Variants in QARS1 observed in about 807,000 individuals in gnomAD.
QARS1 encodes the protein glutamine--tRNA ligase.
In QARS1, 79 loss-of-function variants were observed where a neutral mutation model predicts 106.9. That is an observed-to-expected ratio of 0.74 (90% CI 0.62 to 0.89). The LOEUF (loss-of-function observed/expected upper bound fraction) is 0.89. QARS1 is among the 40% of genes least tolerant of loss of function. QARS1 has a pLI of 0.00. For synonymous variants in QARS1, 395 were observed against 367.7 expected, an observed-to-expected ratio of 1.07 and a Z score of -0.85; for missense variants, 966 against 997.2, an observed-to-expected ratio of 0.97 and a Z score of 0.42.
At chr3:49,102,332 C>T in intron 6 of QARS1, 67 bp from the exon 7 acceptor site, 2 of 1,613,178 alleles carry the variant, frequency 1.2e-6, no homozygotes, top group Non-Finnish European at 1.7e-6. Flanking sequence ...TCTTGGGATC[C>T]CTGTGGTCAG....
intron 23 of QARS1, among the ~76,000 whole-genome samples, chr3:49,096,672 C>T (rs2042395279): frequency 1.3e-5 from 2 of 151,410 alleles, no homozygotes; most frequent in African/African-American, 2.4e-5. Flanking sequence ...TGGTGGCGGG[C>T]GCCTGTAGTC....
In QARS1 at chr3:49,099,839, G is replaced by A; in HGVS notation, c.1310C>T (p.Thr437Ile). ...ACAGAGGCAGTGTGTGTAGTCGTAG[G>A]TGGGATAGATGCACCTGTGGGGCAT... ...RTGDKWCIYP[T>I]YDYTHCLCDS... is the part of the protein sequence containing the mutation. Residue 437 changes from threonine to isoleucine, a missense_variant, in exon 15 of 24, where the codon ACC (threonine) becomes ATC (isoleucine). Physicochemically the swap from Thr to Ile is moderately conservative, Grantham distance 89 (BLOSUM62 -1). Transcript: ENST00000306125. The A allele has an allele frequency of 1.2e-6, 2 of 1,614,020 alleles. No homozygotes were observed. Among genetic ancestry groups the A allele is most frequent in the Non-Finnish European group, 1.7e-6 (2 of 1,179,998 alleles).
intron 23 of QARS1, among the ~76,000 whole-genome samples, chr3:49,096,829 A>AAAAAAAAAAAAAG (rs2042399190): frequency 7.5e-6 from 1 of 133,070 alleles, no homozygotes; most frequent in Non-Finnish European, 1.6e-5. Flanking sequence ...AAAAAAAAAA[A>AAAAAAAAAAAAAG]AAAAAATTTG....
chr3:49,101,467 G>GA, intron 9 of QARS1, 26 bp from the exon 10 acceptor site: 1 of 1,598,308 alleles, frequency 6.3e-7, no homozygotes, highest in Non-Finnish European at 8.6e-7. Context: ...TGGGAAAAGA[G>GA]AAATAAAGTC....
rs768537533 is a variant in QARS1, at chr3:49,098,947, T to C, written c.1801A>G (p.Lys601Glu). 5 of 1,614,138 alleles carry C rather than the reference T, an allele frequency of 3.1e-6. No homozygotes were observed. In the South Asian group the frequency reaches 5.5e-5, roughly 18 times the overall value. Residue 601 changes from lysine (K) to glutamate (E), a missense_variant, in exon 19 of 24, where the codon AAA becomes GAA. Physicochemically the swap from Lys to Glu is moderately conservative, Grantham distance 56 (BLOSUM62 1). Coordinates refer to ENST00000306125, the MANE Select transcript of QARS1 (RefSeq NM_005051.3). ...GCAAAGGGAACCTGATGGAAGCCTT[T>C]GGTCTCATCAGCTGGGAAGTTGGGC... is the stretch of plus-strand genomic sequence containing the variant. ...QVPNFPADET[K>E]GFHQVPFAPI...
In QARS1 at chr3:49,099,854, C is replaced by T; in HGVS notation, c.1296-1G>A. ...GTAGTCGTAGGTGGGATAGATGCACCTGTGGGGCATAGGCAGTGGGCCCTA... is the reference window on the plus strand; with the variant it reads ...GTAGTCGTAGGTGGGATAGATGCACTTGTGGGGCATAGGCAGTGGGCCCTA... On this transcript the variant is annotated splice_acceptor_variant, in intron 14 of 23. Transcript: ENST00000306125. LOFTEE classifies it high-confidence loss of function. 1 of 1,611,700 alleles carries T rather than the reference C, an allele frequency of 6.2e-7. No homozygotes were observed. The highest frequency in any genetic ancestry group is 8.5e-7 in the Non-Finnish European group (1 of 1,179,140).
chr3:49,104,507 T>G (rs1329314833), intron 1 of QARS1, 36 bp from the exon 2 acceptor site: 2 of 1,611,334 alleles, frequency 1.2e-6, no homozygotes. Context: ...AGCCCCGCGC[T>G]CAGTGAGAGG....
chr3:49,103,571 G>A, intron 4 of QARS1, 60 bp downstream of exon 4: 1 of 1,581,798 alleles, frequency 6.3e-7, no homozygotes, highest in Non-Finnish European at 8.6e-7. Context: ...TCTCACTCGT[G>A]CCCAGAAGAA....
chr3:49,097,365 A>G (rs2107092501), intron 23 of QARS1: 2 of 152,086 alleles, frequency 1.3e-5, no homozygotes, highest in South Asian at 4.2e-4. Context: ...GTGTTTCACC[A>G]TGTTGGCCAG....
In QARS1 at chr3:49,103,352, TCCA is replaced by T; in HGVS notation, c.506_508del (p.Val169del). On this transcript the variant is annotated inframe_deletion, in exon 5 of 24. Coordinates refer to ENST00000306125, the MANE Select transcript of QARS1 (RefSeq NM_005051.3). ...TTAGTGAAGCACGCTCACCTGCATG[TCCA>T]CTTCATTCTTGATCATTTTGCCATC... The T allele has an allele frequency of 6.2e-7, 1 of 1,613,994 alleles. No homozygotes were observed. The highest frequency in any genetic ancestry group is 8.5e-7 in the Non-Finnish European group (1 of 1,179,988).
intron 23 of QARS1, 120 bp from the exon 24 acceptor site, chr3:49,096,199 T>A: frequency 9.3e-7 from 1 of 1,071,302 alleles, no homozygotes; most frequent in Non-Finnish European, 1.4e-6. Flanking sequence ...GCCGAGGGAC[T>A]AAGGGTCAGG....
chr3:49,099,255 T>A lies in QARS1; in HGVS notation c.1615-2A>T, dbSNP rs369802930. ...GGTTTGTGCCACAGTCACTCCCACCTGGCAGGAAAGTTCAGCATCAGTCAC... is the reference window on the plus strand; with the variant it reads ...GGTTTGTGCCACAGTCACTCCCACCAGGCAGGAAAGTTCAGCATCAGTCAC... On this transcript the variant is annotated splice_acceptor_variant, in intron 17 of 23. Transcript: ENST00000306125. LOFTEE classifies it high-confidence loss of function. 5 of 1,614,188 alleles carry A rather than the reference T, an allele frequency of 3.1e-6. No homozygotes were observed. The highest frequency in any genetic ancestry group is 4.2e-6 in the Non-Finnish European group (5 of 1,180,012).
chr3:49,101,297 C>T (rs2042466967), intron 10 of QARS1, 58 bp downstream of exon 10: 1 of 1,312,026 alleles, frequency 7.6e-7, no homozygotes, highest in Non-Finnish European at 1.1e-6. Flanking sequence ...ATATGGTATC[C>T]ACTCATGGGA....
At chr3:49,104,102 G>T in intron 2 of QARS1, 130 bp from the exon 3 acceptor site, 1 of 1,106,494 alleles carries the variant, frequency 9.0e-7, no homozygotes, top group Non-Finnish European at 1.4e-6. Flanking sequence ...CACCACCCTA[G>T]AGAACACAGG....
intron 11 of QARS1, 34 bp downstream of exon 11, chr3:49,100,541 C>G (rs765259416): frequency 2.5e-6 from 4 of 1,590,400 alleles, no homozygotes; most frequent in Admixed American, 3.3e-5. Context: ...GGCCCACTAA[C>G]CACCAGCCCT....
In QARS1 at chr3:49,102,440, A is replaced by C. The variant is rs150572774; in HGVS notation, c.549T>G (p.Ala183=). The change falls in exon 6 of 24, where the codon GCT becomes GCG. Residue 183 remains alanine, a synonymous_variant. Coordinates refer to ENST00000306125, the MANE Select transcript of QARS1 (RefSeq NM_005051.3). ...CTACCTTGAACTTCTTCTCCAGATC[A>C]GCCTCCAACTTGGGGCCCAGAAGGT... The part of the protein sequence containing the change: ...VLHLLGPKLE[A]DLEKKFKVAK... The C allele has an allele frequency of 4.3e-6, 7 of 1,614,152 alleles. No homozygotes were observed. The East Asian group carries it at 1.6e-4, about 36-fold the overall frequency.
At chr3:49,102,079 C>T in intron 7 of QARS1, 126 bp downstream of exon 7, 2 of 1,373,070 alleles carry the variant, frequency 1.5e-6, no homozygotes, top group Non-Finnish European at 2.0e-6. Context: ...CACCAGGAAT[C>T]CCAGTCTTGA....
chr3:49,097,021 G>A (rs183488421), intron 23 of QARS1: 4 of 151,558 alleles, frequency 2.6e-5, no homozygotes, highest in Admixed American at 6.6e-5. Flanking sequence ...ATGGCAGGGT[G>A]GCTGGGCACA....
In QARS1 at chr3:49,099,376, G is replaced by A. The variant is rs1559967000; in HGVS notation, c.1582C>T (p.Pro528Ser). 6.2e-7 allele frequency: 1 copy of A among 1,614,164 alleles called. No homozygotes were observed. Among genetic ancestry groups the A allele is most frequent in the Non-Finnish European group, 8.5e-7 (1 of 1,180,010 alleles). Reference protein sequence around the residue: ...TLTALRRRGFPPEAINNFCAR... With the variant: ...TLTALRRRGFSPEAINNFCAR... The stretch of plus-strand genomic sequence containing the variant: ...CAGAAGTTGTTGATGGCCTCAGGTG[G>A]GAAGCCCCGCCGTCGCAGGGCCGTG... The change falls in exon 17 of 24, where the codon CCA becomes TCA. Residue 528 changes from proline to serine, a missense_variant. Coordinates refer to ENST00000306125, the MANE Select transcript of QARS1 (RefSeq NM_005051.3).
Sources: allele counts gnomAD v4.1 joint callset (sites outside exome capture counted in the v4.1 genomes callset), GRCh38; gene constraint gnomAD v4.1.1; transcripts MANE v1.5; gene names NCBI Gene and HGNC (gene_info 2026-07-23, HGNC 2026-07-21).